The following GPC6 variants were observed in gnomAD, a reference collection of about 807,000 sequenced individuals.
GPC6 encodes glypican 6.
Under a neutral mutation model 55.2 loss-of-function variants are expected in GPC6, and 14 were observed. The observed-to-expected ratio is 0.25, with a 90% CI of 0.17 to 0.40. The LOEUF (loss-of-function observed/expected upper bound fraction) is 0.40. Ranked by LOEUF, GPC6 falls within the 10% of genes least tolerant of loss-of-function variation. The pLI is 1.00. For synonymous variants in GPC6, 278 were observed against 259.6 expected, an observed-to-expected ratio of 1.07 and a Z score of -0.68; for missense variants, 641 against 708.5, an observed-to-expected ratio of 0.90 and a Z score of 1.08.
At chr13:93,439,360 G>A (rs1254716972) in intron 1 of GPC6, among the ~76,000 whole-genome samples, 1 of 152,016 alleles carries the variant, frequency 6.6e-6, no homozygotes, top group South Asian at 2.1e-4. Context: ...TTGAATCATG[G>A]GAGTTCTCAT....
chr13:94,293,144 G>A (rs1303468771), intron 5 of GPC6, among the ~76,000 whole-genome samples: 1 of 152,126 alleles, frequency 6.6e-6, no homozygotes, highest in Non-Finnish European at 1.5e-5. Flanking sequence ...GTTACCCTTG[G>A]TTGAACACCT....
chr13:93,241,217 C>A (rs1876417056), intron 1 of GPC6, among the ~76,000 whole-genome samples: 1 of 152,154 alleles, frequency 6.6e-6, no homozygotes, highest in Non-Finnish European at 1.5e-5. Flanking sequence ...CTCAAATATT[C>A]CCTCAAATAG....
chr13:93,814,182 T>A (rs1353574612), intron 2 of GPC6, among the ~76,000 whole-genome samples: 1 of 152,218 alleles, frequency 6.6e-6, no homozygotes, highest in Non-Finnish European at 1.5e-5. Context: ...TTTGAGGAAT[T>A]GCTTTTATTC....
At chr13:93,918,501 C>A (rs1877403377) in intron 3 of GPC6, among the ~76,000 whole-genome samples, 1 of 151,996 alleles carries the variant, frequency 6.6e-6, no homozygotes, top group Admixed American at 6.6e-5. Context: ...TTCTCCTGGA[C>A]ATTAAAACGT....
intron 2 of GPC6, among the ~76,000 whole-genome samples, chr13:93,810,221 A>G (rs1886656036): frequency 6.6e-6 from 1 of 152,226 alleles, no homozygotes. Context: ...AAACAGCTTC[A>G]GACGATTTGG....
rs190830380 is a variant in GPC6 at position 94,320,593 on chromosome 13, G to A, written c.1152+14470G>A. Among the ~76,000 whole-genome samples the A allele has an allele frequency of 1.4e-3, 213 of 152,174 alleles. 2 individuals are homozygous for A. The highest frequency in any genetic ancestry group is 7.3e-3 in the South Asian group (35 of 4,814). On this transcript the variant is annotated intron_variant, in intron 6 of 8. Transcript: ENST00000377047. ...TGTGGTGGGTTAGTGATACTGGCTC[G>A]TCACTTTAGGGAAGCCCTGTATTTT...
intron 1 of GPC6, among the ~76,000 whole-genome samples, chr13:93,329,202 C>G (rs1272022104): frequency 6.6e-6 from 1 of 152,094 alleles, no homozygotes; most frequent in South Asian, 2.1e-4. Context: ...ACTCAGATTC[C>G]CTAGGTTTCG....
At chr13:93,714,349 T>A (rs1337888395) in intron 2 of GPC6, among the ~76,000 whole-genome samples, 4 of 151,796 alleles carry the variant, frequency 2.6e-5, no homozygotes, top group African/African-American at 9.7e-5. Context: ...TCATCACTAG[T>A]CATCAGAGTA....
intron 3 of GPC6, among the ~76,000 whole-genome samples, chr13:93,849,361 T>TAA (rs1888315931): frequency 6.6e-6 from 1 of 152,088 alleles, no homozygotes; most frequent in Non-Finnish European, 1.5e-5. Flanking sequence ...ACAAAAGAGA[T>TAA]AAAATTAAAT....
At chr13:93,615,910 C>A (rs543358713) in intron 2 of GPC6, among the ~76,000 whole-genome samples, 8 of 152,114 alleles carry the variant, frequency 5.3e-5, no homozygotes, top group Non-Finnish European at 1.0e-4. Context: ...GTGCCTGGCA[C>A]ATACTGCTCA....
At chr13:93,925,304 A>C (rs1233092679) in intron 3 of GPC6, among the ~76,000 whole-genome samples, 1 of 152,122 alleles carries the variant, frequency 6.6e-6, no homozygotes, top group East Asian at 1.9e-4. Flanking sequence ...AGTGTAGAGA[A>C]ATGTGGATGA....
intron 4 of GPC6, among the ~76,000 whole-genome samples, chr13:94,200,155 T>TAAAAAAAAAA (rs10708157): frequency 7.3e-6 from 1 of 137,166 alleles, no homozygotes. Flanking sequence ...AAACTCTGTC[T>TAAAAAAAAAA]AAAAAAAAAA....
At chr13:93,622,510 C>G (rs372426997) in intron 2 of GPC6, among the ~76,000 whole-genome samples, 3 of 46,494 alleles carry the variant, frequency 6.5e-5, no homozygotes, top group Admixed American at 3.2e-4. Flanking sequence ...ATATACACAC[C>G]CACACAGACT....
chr13:93,488,752 G>T (rs563618117), intron 1 of GPC6, among the ~76,000 whole-genome samples: 3 of 152,166 alleles, frequency 2.0e-5, no homozygotes, highest in Middle Eastern at 3.4e-3. Context: ...GTATTTTTTG[G>T]CTGCATAAAT....
At chr13:93,674,173 C>T (rs145166584) in intron 2 of GPC6, among the ~76,000 whole-genome samples, 2 of 151,998 alleles carry the variant, frequency 1.3e-5, no homozygotes, top group East Asian at 1.9e-4. Flanking sequence ...CATCAGGCTG[C>T]GTGTGGTAGA....
intron 1 of GPC6, among the ~76,000 whole-genome samples, chr13:93,403,201 C>T (rs1168868999): frequency 6.6e-6 from 1 of 152,134 alleles, no homozygotes; most frequent in Non-Finnish European, 1.5e-5. Flanking sequence ...GATATTGACA[C>T]TTTGGGCCTT....
intron 1 of GPC6, among the ~76,000 whole-genome samples, chr13:93,269,613 A>G (rs2084890299): frequency 6.6e-6 from 1 of 152,028 alleles, no homozygotes; most frequent in Non-Finnish European, 1.5e-5. Context: ...GAAGATCAAC[A>G]GAAGCCAACT....
At chr13:94,331,825 AG>A (rs1877435914) in intron 6 of GPC6, among the ~76,000 whole-genome samples, 1 of 152,210 alleles carries the variant, frequency 6.6e-6, no homozygotes, top group South Asian at 2.1e-4. Context: ...TTCAAGCAAG[AG>A]ATTTCTTCCT....
intron 2 of GPC6, among the ~76,000 whole-genome samples, chr13:93,547,408 G>A (rs1336220013): frequency 6.6e-6 from 1 of 152,024 alleles, no homozygotes; most frequent in Admixed American, 6.6e-5. Flanking sequence ...CTTACTTCTT[G>A]TATTATATCA....
Sources: allele counts gnomAD v4.1 joint callset (sites outside exome capture counted in the v4.1 genomes callset), GRCh38; gene constraint gnomAD v4.1.1; transcripts MANE v1.5; gene names NCBI Gene and HGNC (gene_info 2026-07-23, HGNC 2026-07-21).